The following EPHA6 variants were observed in gnomAD, a reference collection of about 807,000 sequenced individuals.
The protein encoded by EPHA6 is EPH receptor A6, also known as ephrin type-A receptor 6.
A neutral mutation model predicts 112.0 loss-of-function variants in EPHA6; 50 were observed. The observed-to-expected ratio is 0.45, with a 90% CI of 0.36 to 0.56. The LOEUF is 0.56. Ranked by LOEUF, EPHA6 falls within the 20% of genes least tolerant of loss-of-function variation. The pLI, the probability that EPHA6 is intolerant of heterozygous loss-of-function variation, is 0.00. For synonymous variants in EPHA6, 529 were observed against 490.7 expected (o/e 1.08, Z -1.03); for missense variants, 1,280 against 1,417.4 (o/e 0.90, Z 1.56).
chr3:97,130,711 G>C (rs1035920593), intron 3 of EPHA6, among the ~76,000 whole-genome samples: 13 of 151,952 alleles, frequency 8.6e-5, no homozygotes, highest in Non-Finnish European at 1.5e-4. Context: ...CTGACATTAG[G>C]GGAATATTAA....
At chr3:97,606,716 G>C in intron 12 of EPHA6, among the ~76,000 whole-genome samples, 1 of 151,336 alleles carries the variant, frequency 6.6e-6, no homozygotes, top group East Asian at 1.9e-4. Context: ...GTATAACTGT[G>C]TTCAAATGGC....
intron 2 of EPHA6, among the ~76,000 whole-genome samples, chr3:96,924,915 G>A (rs1254472824): frequency 1.3e-5 from 2 of 152,024 alleles, no homozygotes; most frequent in Non-Finnish European, 2.9e-5. Context: ...CTTTAGTTAT[G>A]TTTATGTAAC....
At chr3:97,096,075 TATTG>T (rs2047226786) in intron 3 of EPHA6, among the ~76,000 whole-genome samples, 1 of 152,140 alleles carries the variant, frequency 6.6e-6, no homozygotes, top group Non-Finnish European at 1.5e-5. Flanking sequence ...AATTCATTCA[TATTG>T]ATTAAGTCTT....
chr3:96,842,896 A>G (rs1306244787), intron 1 of EPHA6, among the ~76,000 whole-genome samples: 1 of 152,054 alleles, frequency 6.6e-6, no homozygotes, highest in East Asian at 1.9e-4. Context: ...CTTGATGTAT[A>G]TTTTTAAATA....
At chr3:96,901,994 A>G (rs988096767) in intron 2 of EPHA6, among the ~76,000 whole-genome samples, 15 of 152,216 alleles carry the variant, frequency 9.9e-5, no homozygotes, top group African/African-American at 1.4e-4. Context: ...ACTTAAATAT[A>G]TCATTCTGGC....
chr3:97,375,613 A>G (rs923527589), intron 5 of EPHA6, among the ~76,000 whole-genome samples: 1 of 152,194 alleles, frequency 6.6e-6, no homozygotes, highest in African/African-American at 2.4e-5. Flanking sequence ...CCTTGGCAAT[A>G]TAGCTCAGCT....
rs142947522 is a variant in EPHA6, at chr3:96,916,338, G to A, written c.450+49449G>A. On this transcript the variant is annotated intron_variant, in intron 2 of 17. Transcript: ENST00000389672. ...AGTAATAGCATAATTGACAGTTCTC[G>A]TAATTATCTTCTTTGGGGAATCTCC... 3.4e-3 allele frequency among the ~76,000 whole-genome samples: 513 copies of A among 152,178 alleles called. 1 individual carries two copies. Among genetic ancestry groups the A allele is most frequent in the Admixed American group, 4.3e-3 (65 of 15,282 alleles).
At chr3:97,230,816 G>T (rs1372004974) in intron 4 of EPHA6, among the ~76,000 whole-genome samples, 2 of 152,042 alleles carry the variant, frequency 1.3e-5, no homozygotes, top group East Asian at 3.9e-4. Flanking sequence ...GTAATGGGGA[G>T]GTAAAATCAC....
chr3:96,928,126 G>A (rs529755473), intron 2 of EPHA6, among the ~76,000 whole-genome samples: 1 of 152,276 alleles, frequency 6.6e-6, no homozygotes, highest in Non-Finnish European at 1.5e-5. Flanking sequence ...CTGGACATGT[G>A]GAGATTATAC....
chr3:97,306,510 G>T (rs964892536), intron 5 of EPHA6, among the ~76,000 whole-genome samples: 13 of 151,568 alleles, frequency 8.6e-5, no homozygotes, highest in African/African-American at 3.1e-4. Context: ...AACACACCCT[G>T]TTCTGATTTC....
intron 2 of EPHA6, among the ~76,000 whole-genome samples, chr3:96,868,176 G>C (rs553074681): frequency 7.2e-6 from 1 of 139,350 alleles, no homozygotes; most frequent in African/African-American, 3.1e-5. Context: ...GTGTGTGTGT[G>C]AGAGAGAGAG....
chr3:97,628,455 TTATTA>T (rs1032614592), intron 13 of EPHA6, among the ~76,000 whole-genome samples: 3 of 152,094 alleles, frequency 2.0e-5, no homozygotes, highest in Non-Finnish European at 4.4e-5. Flanking sequence ...TCATCTATTA[TTATTA>T]TATTATATTT....
At chr3:97,050,127 A>T (rs2045637990) in intron 3 of EPHA6, among the ~76,000 whole-genome samples, 1 of 152,106 alleles carries the variant, frequency 6.6e-6, no homozygotes, top group East Asian at 1.9e-4. Flanking sequence ...GAGGCTCTGG[A>T]CTCAGACCAA....
Position 97,184,955 on chromosome 3 carries a change from G to A in EPHA6, c.1115-41309G>A, listed in dbSNP as rs568300447. Reference sequence around the variant, plus strand: ...TCTTTGACAAACCTGACAAAAACAAGCAATGGGGAAAGGATTCCCTATTTA... The same window carrying A: ...TCTTTGACAAACCTGACAAAAACAAACAATGGGGAAAGGATTCCCTATTTA... On this transcript the variant is annotated intron_variant, in intron 3 of 17. Coordinates refer to ENST00000389672, the MANE Select transcript of EPHA6 (RefSeq NM_001080448.3). Among the ~76,000 whole-genome samples the A allele has an allele frequency of 5.4e-3, 821 of 152,224 alleles. 15 individuals carry two copies. The highest frequency in any genetic ancestry group is 0.019 in the African/African-American group (774 of 41,550).
intron 11 of EPHA6, among the ~76,000 whole-genome samples, chr3:97,552,836 T>C (rs2093048024): frequency 1.3e-5 from 2 of 152,182 alleles, no homozygotes; most frequent in East Asian, 3.8e-4. Context: ...AAGTAATAAC[T>C]TATTAGTTTT....
At chr3:97,151,573 C>A (rs1379701275) in intron 3 of EPHA6, among the ~76,000 whole-genome samples, 1 of 152,012 alleles carries the variant, frequency 6.6e-6, no homozygotes, top group Non-Finnish European at 1.5e-5. Context: ...AACATAGGAT[C>A]TGATGGTCTG....
At position 97,761,187 on chromosome 3, in the gene EPHA6, T is replaced by G; in HGVS notation, c.*12486T>G. Reference sequence around the variant, plus strand: ...GACTTATTTGAAGGTGGTACTATTTTTATCTTACAAAAATCTACTATAATA... The same window carrying G: ...GACTTATTTGAAGGTGGTACTATTTGTATCTTACAAAAATCTACTATAATA... On this transcript the variant is annotated 3_prime_UTR_variant, in exon 18 of 18. Transcript: ENST00000389672. 5.0e-6 allele frequency: 1 copy of G among 199,642 alleles called. No homozygotes were observed. The highest frequency in any genetic ancestry group is 1.0e-5 in the Non-Finnish European group (1 of 96,624). 12.4% of individuals were successfully genotyped at this position (199,642 alleles called of 1,614,324 possible). A position where few individuals can be genotyped will look rare whatever the true frequency, so the allele number is the denominator to read the frequency against.
intron 14 of EPHA6, among the ~76,000 whole-genome samples, chr3:97,646,946 A>G (rs894790523): frequency 1.1e-4 from 17 of 152,096 alleles, no homozygotes; most frequent in Admixed American, 1.1e-3. Flanking sequence ...ACTCTGGATT[A>G]TGTACTTCAG....
rs116129607 is a variant in EPHA6, at chr3:96,924,808, G to A, written c.450+57919G>A. 3.0e-3 allele frequency among the ~76,000 whole-genome samples: 454 copies of A among 152,020 alleles called. 4 individuals carry two copies. The highest frequency in any genetic ancestry group is 9.8e-3 in the African/African-American group (406 of 41,492). Reference sequence around the variant, plus strand: ...GGCTCTTATTATTTGCAATATGTTCGTTTAATACCTAGTTTATTGAGAGAT... The same window carrying A: ...GGCTCTTATTATTTGCAATATGTTCATTTAATACCTAGTTTATTGAGAGAT... On this transcript the variant is annotated intron_variant, in intron 2 of 17. Transcript: ENST00000389672.
Sources: gnomAD v4.1 joint callset for allele counts (sites outside exome capture counted in the v4.1 genomes callset) on GRCh38, gnomAD v4.1.1 for gene constraint, MANE v1.5 for transcripts, NCBI Gene and HGNC (gene_info 2026-07-23, HGNC 2026-07-21) for gene names.